AMBRA1: variants seen among roughly 807,000 people sequenced by gnomAD.
The protein encoded by AMBRA1 is autophagy and beclin 1 regulator 1.
In AMBRA1, 47 loss-of-function variants were observed where a neutral mutation model predicts 125.4. The ratio of observed to expected loss-of-function variants is 0.37; its 90% CI spans 0.30 to 0.48. The LOEUF (loss-of-function observed/expected upper bound fraction) is 0.48. AMBRA1 is among the 20% of genes least tolerant of loss of function. The pLI is 0.99. For synonymous variants in AMBRA1, 626 were observed against 655.5 expected (o/e 0.95, Z 0.69); for missense variants, 1,331 against 1,693.4 (o/e 0.79, Z 3.76).
chr11:46,569,128 C>T (rs1436641977), intron 1 of AMBRA1, among the ~76,000 whole-genome samples: 1 of 151,068 alleles, frequency 6.6e-6, no homozygotes, highest in Admixed American at 6.6e-5. Context: ...CTTGAGATAA[C>T]CTTATAAACT....
chr11:46,450,242 A>C (rs919387405), intron 11 of AMBRA1, among the ~76,000 whole-genome samples: 1 of 152,180 alleles, frequency 6.6e-6, no homozygotes, highest in African/African-American at 2.4e-5. Flanking sequence ...AAAAGAAATG[A>C]GCTATCAATC....
intron 11 of AMBRA1, among the ~76,000 whole-genome samples, chr11:46,454,653 A>G (rs1290275616): frequency 6.6e-6 from 1 of 151,062 alleles, no homozygotes; most frequent in East Asian, 2.0e-4. Flanking sequence ...TGGGAGGCTG[A>G]GGCAGGAGAA....
At chr11:46,530,155 C>T (rs900372724) in intron 7 of AMBRA1, among the ~76,000 whole-genome samples, 7 of 152,138 alleles carry the variant, frequency 4.6e-5, no homozygotes, top group Non-Finnish European at 2.9e-5. Flanking sequence ...AATGAGTACA[C>T]GGGAAATTAC....
At chr11:46,488,955 T>A (rs917181143) in intron 11 of AMBRA1, among the ~76,000 whole-genome samples, 2 of 152,196 alleles carry the variant, frequency 1.3e-5, no homozygotes, top group Non-Finnish European at 2.9e-5. Flanking sequence ...GTCGCCCAAG[T>A]GCGGGGGCGA....
intron 14 of AMBRA1, among the ~76,000 whole-genome samples, chr11:46,431,338 G>A (rs551460944): frequency 3.2e-4 from 48 of 152,336 alleles, no homozygotes; most frequent in African/African-American, 9.1e-4. Context: ...CAAGCATGCA[G>A]CTGCTGGCTA....
In AMBRA1 at chr11:46,494,746, G is replaced by C. The variant is rs189184647; in HGVS notation, c.2340-542C>G. The C allele has an allele frequency of 4.6e-4, 71 of 153,262 alleles. 2 individuals carry two copies. Among genetic ancestry groups the C allele is most frequent in the Admixed American group, 4.3e-3 (67 of 15,488 alleles). 9.5% of individuals were successfully genotyped at this position (153,262 alleles called of 1,614,324 possible). A position where few individuals can be genotyped will look rare whatever the true frequency, so the allele number is the denominator to read the frequency against. ...AAGAAAAAAAAATGCACAAGAAAAA[G>C]ACAGTACCTTCTTTTACAGACTGTC... On this transcript the variant is annotated intron_variant, in intron 9 of 17. Coordinates refer to ENST00000683756, the MANE Select transcript of AMBRA1 (RefSeq NM_001387011.1).
At chr11:46,408,373 G>A in intron 17 of AMBRA1, 140 bp downstream of exon 17, 2 of 854,604 alleles carry the variant, frequency 2.3e-6, no homozygotes, top group South Asian at 6.5e-5. Context: ...GGGAAACCAT[G>A]TCGCTGCTGA....
chr11:46,510,197 G>C (rs1000358929), intron 8 of AMBRA1, among the ~76,000 whole-genome samples: 1 of 152,222 alleles, frequency 6.6e-6, no homozygotes, highest in African/African-American at 2.4e-5. Flanking sequence ...AGTAGGCATA[G>C]GAGGCACAGA....
At chr11:46,571,739 G>C (rs899874586) in intron 1 of AMBRA1, among the ~76,000 whole-genome samples, 1 of 146,550 alleles carries the variant, frequency 6.8e-6, no homozygotes, top group African/African-American at 2.5e-5. Context: ...CCCCAGGCTG[G>C]AGTGCAGTGG....
intron 7 of AMBRA1, among the ~76,000 whole-genome samples, chr11:46,538,152 G>C (rs1249160916): frequency 6.6e-6 from 1 of 152,170 alleles, no homozygotes; most frequent in Admixed American, 6.5e-5. Context: ...TCAAATGGTG[G>C]TCCTTCTTTA....
intron 1 of AMBRA1, among the ~76,000 whole-genome samples, chr11:46,577,620 G>A (rs887946888): frequency 1.1e-4 from 16 of 151,596 alleles, no homozygotes; most frequent in African/African-American, 3.6e-4. Context: ...GTGAATTTCA[G>A]TTCAGTAAAT....
chr11:46,565,433 G>A (rs1436205701), intron 1 of AMBRA1, among the ~76,000 whole-genome samples: 3 of 151,958 alleles, frequency 2.0e-5, no homozygotes, highest in Admixed American at 2.0e-4. Context: ...TCAGCTGGGT[G>A]CAGTGGCTCA....
chr11:46,472,424 C>G (rs989426796), intron 11 of AMBRA1, among the ~76,000 whole-genome samples: 5 of 152,198 alleles, frequency 3.3e-5, no homozygotes, highest in Non-Finnish European at 5.9e-5. Context: ...CTTTGGACTA[C>G]AGATAATATC....
rs545305640 is a variant in AMBRA1, at chr11:46,490,535, C to T, written c.2521+3073G>A. On this transcript the variant is annotated intron_variant, in intron 11 of 17. Transcript: ENST00000683756. ...GGAAGTAGAACGGATCTTGATTTTC[C>T]GCAAACCCATTTTTGTTGATGATTC... Among the ~76,000 whole-genome samples, 3 of 151,966 alleles carry T rather than the reference C, an allele frequency of 2.0e-5. 1 individual carries two copies. The highest frequency in any genetic ancestry group is 7.2e-5 in the African/African-American group (3 of 41,426).
chr11:46,507,568 C>G (rs577615682), intron 9 of AMBRA1, among the ~76,000 whole-genome samples: 1 of 152,262 alleles, frequency 6.6e-6, no homozygotes, highest in South Asian at 2.1e-4. Flanking sequence ...TGGCTCTCCC[C>G]GCTGACCACT....
chr11:46,471,008 A>C (rs1048399495), intron 11 of AMBRA1, among the ~76,000 whole-genome samples: 1 of 152,174 alleles, frequency 6.6e-6, no homozygotes, highest in African/African-American at 2.4e-5. Flanking sequence ...AGGCATGGAA[A>C]ATGTTGCATG....
Position 46,410,349 on chromosome 11 carries a change from C to G in AMBRA1, c.3136G>C (p.Glu1046Gln), listed in dbSNP as rs1307421514. The G allele has an allele frequency of 6.2e-7, 1 of 1,613,930 alleles. No homozygotes were observed. Among genetic ancestry groups the G allele is most frequent in the Admixed American group, 1.7e-5 (1 of 60,018 alleles). Residue 1046 changes from glutamate (E) to glutamine (Q), a missense_variant, in exon 16 of 18, where the codon GAG becomes CAG. This residue lies in a region of AMBRA1 where 354 missense variants were observed against 532.7 expected (regional missense o/e 0.66). Transcript: ENST00000683756. The stretch of plus-strand genomic sequence containing the variant: ...TCGTTCAGCTGGTCCCAGTAGTACT[C>G]AACACCAGAGTTTAAGGCCCTAAAA... ...CRPEALNSGV[E>Q]YYWDQLNETV...
chr11:46,473,759 TCCTGCCTCAG>T (rs1332218574), intron 11 of AMBRA1, among the ~76,000 whole-genome samples: 2 of 152,216 alleles, frequency 1.3e-5, no homozygotes, highest in Non-Finnish European at 2.9e-5. Flanking sequence ...CACACCATTC[TCCTGCCTCAG>T]CCTCCCAAGT....
chr11:46,593,728 C>A (rs1446076425), intron 1 of AMBRA1, 100 bp downstream of exon 1: 2 of 381,916 alleles, frequency 5.2e-6, no homozygotes, highest in Non-Finnish European at 9.3e-6. Context: ...GGCAGTGTCA[C>A]GGCGGCCGGC....
Sources: gnomAD v4.1 joint callset for allele counts (sites outside exome capture counted in the v4.1 genomes callset) on GRCh38, gnomAD v4.1.1 for gene constraint, gnomAD v4.1.1 regional missense constraint, MANE v1.5 for transcripts, NCBI Gene and HGNC (gene_info 2026-07-23, HGNC 2026-07-21) for gene names.